MBD5: variants seen among roughly 807,000 people sequenced by gnomAD.
The protein encoded by MBD5 is methyl-CpG binding domain protein 5, also known as methyl-CpG-binding domain protein 5.
MBD5 carries 13 observed loss-of-function variants against 117.3 expected under a neutral mutation model. The ratio of observed to expected loss-of-function variants is 0.11; its 90% CI spans 0.07 to 0.18. The LOEUF (loss-of-function observed/expected upper bound fraction) is 0.18. MBD5 is among the 10% of genes least tolerant of loss of function. MBD5 has a pLI of 1.00. For missense variants in MBD5, 1,879 were observed against 2,093.8 expected (o/e 0.90, Z 2.00); for synonymous variants, 727 against 766.4 (o/e 0.95, Z 0.85).
chr2:148,324,168 T>A (rs1451537833), intron 3 of MBD5, among the ~76,000 whole-genome samples: 1 of 152,176 alleles, frequency 6.6e-6, no homozygotes, highest in African/African-American at 2.4e-5. Context: ...TGTGGCGTTA[T>A]TTCTGAGGGC....
chr2:148,282,558 A>ATG (rs373249864), intron 3 of MBD5, among the ~76,000 whole-genome samples: 9 of 151,404 alleles, frequency 5.9e-5, no homozygotes, highest in Admixed American at 2.0e-4. Flanking sequence ...TATATATATA[A>ATG]TGTGTGTGTG....
intron 4 of MBD5, among the ~76,000 whole-genome samples, chr2:148,343,872 A>G (rs181208557): frequency 6.6e-6 from 1 of 152,052 alleles, no homozygotes; most frequent in Non-Finnish European, 1.5e-5. Flanking sequence ...CTTAGTCATA[A>G]ATTCTTTCCT....
intron 3 of MBD5, among the ~76,000 whole-genome samples, chr2:148,338,601 C>G (rs577087143): frequency 1.3e-5 from 2 of 152,238 alleles, no homozygotes; most frequent in African/African-American, 4.8e-5. Context: ...GACATTTCAG[C>G]TAACTTGAAA....
At chr2:148,128,356 G>C (rs769029501) in intron 1 of MBD5, among the ~76,000 whole-genome samples, 33 of 152,100 alleles carry the variant, frequency 2.2e-4, no homozygotes, top group Non-Finnish European at 4.0e-4. Context: ...ATGCTATACA[G>C]ATATGTATTA....
chr2:148,370,342 A>G (rs187459656), intron 4 of MBD5, among the ~76,000 whole-genome samples: 3 of 152,274 alleles, frequency 2.0e-5, no homozygotes, highest in Non-Finnish European at 2.9e-5. Flanking sequence ...CTGATGAGCT[A>G]TCTGGTCTGT....
chr2:148,439,991 G>A lies in MBD5; in HGVS notation c.-556-18212G>A, dbSNP rs1021588953. On this transcript the variant is annotated intron_variant, in intron 4 of 13. Transcript: ENST00000642680. ...TAGCCTCAAGCAGTCCTCCCACCTT[G>A]GCCTCCCAAAGTGCTAAGATTACAG... Among the ~76,000 whole-genome samples the A allele has an allele frequency of 4.6e-5, 7 of 151,968 alleles. 1 individual carries two copies. In the South Asian group the frequency reaches 1.0e-3, roughly 23 times the overall value.
chr2:148,252,109 T>C (rs1700478793), intron 3 of MBD5, among the ~76,000 whole-genome samples: 1 of 152,036 alleles, frequency 6.6e-6, no homozygotes, highest in Non-Finnish European at 1.5e-5. Flanking sequence ...TTTCAGTGGA[T>C]CAGGGGATAG....
At chr2:148,046,319 A>G (rs1198678376) in intron 1 of MBD5, among the ~76,000 whole-genome samples, 1 of 152,208 alleles carries the variant, frequency 6.6e-6, no homozygotes, top group Non-Finnish European at 1.5e-5. Context: ...ATGTTATGAA[A>G]GAAATAAAAT....
At chr2:148,180,008 G>T (rs1387039018) in intron 2 of MBD5, among the ~76,000 whole-genome samples, 1 of 151,966 alleles carries the variant, frequency 6.6e-6, no homozygotes, top group African/African-American at 2.4e-5. Context: ...ACAGTTTACA[G>T]CCCCTAGTGC....
chr2:148,330,453 C>G (rs1702616018), intron 3 of MBD5: 1 of 152,104 alleles, frequency 6.6e-6, no homozygotes, highest in Non-Finnish European at 1.5e-5. Flanking sequence ...AACATCCACT[C>G]CAGCAGATGC....
At chr2:148,189,292 C>G (rs1426197757) in intron 2 of MBD5, among the ~76,000 whole-genome samples, 1 of 150,504 alleles carries the variant, frequency 6.6e-6, no homozygotes, top group Non-Finnish European at 1.5e-5. Flanking sequence ...GTAGGCTCCA[C>G]CTCTGGGGGC....
intron 4 of MBD5, among the ~76,000 whole-genome samples, chr2:148,439,778 C>A (rs114161935): frequency 6.9e-6 from 1 of 145,794 alleles, no homozygotes; most frequent in African/African-American, 2.6e-5. Context: ...TTAGCCCTGT[C>A]GCCCAACTGA....
chr2:148,484,837 A>T (rs1681285227), intron 9 of MBD5, among the ~76,000 whole-genome samples: 1 of 152,188 alleles, frequency 6.6e-6, no homozygotes, highest in East Asian at 1.9e-4. Context: ...AAGTGTGGGG[A>T]TGGTGTCCAT....
intron 2 of MBD5, among the ~76,000 whole-genome samples, chr2:148,198,350 G>C (rs564755252): frequency 1.8e-4 from 27 of 151,980 alleles, no homozygotes; most frequent in African/African-American, 6.3e-4. Flanking sequence ...TTCTACCTTT[G>C]TTTCTCAATG....
chr2:148,154,530 C>G, intron 1 of MBD5, among the ~76,000 whole-genome samples: 1 of 152,198 alleles, frequency 6.6e-6, no homozygotes, highest in East Asian at 1.9e-4. Context: ...CCTCCCCCAG[C>G]CTGGCTGCCG....
chr2:148,151,674 G>T (rs1697672226), intron 1 of MBD5, among the ~76,000 whole-genome samples: 1 of 152,160 alleles, frequency 6.6e-6, no homozygotes, highest in Non-Finnish European at 1.5e-5. Context: ...TCTTGGGAGA[G>T]TGTATGTGTT....
At chr2:148,213,047 G>A (rs950367137) in intron 2 of MBD5, among the ~76,000 whole-genome samples, 17 of 151,964 alleles carry the variant, frequency 1.1e-4, no homozygotes, top group Non-Finnish European at 2.2e-4. Flanking sequence ...CTTTGTACTC[G>A]TCTCCTTCCA....
chr2:148,188,023 G>A (rs1698710525), intron 2 of MBD5, among the ~76,000 whole-genome samples: 1 of 152,184 alleles, frequency 6.6e-6, no homozygotes. Context: ...ATAAATTGTA[G>A]TACAGGTGGA....
intron 2 of MBD5, among the ~76,000 whole-genome samples, chr2:148,201,051 G>A (rs922981297): frequency 3.9e-5 from 6 of 152,172 alleles, no homozygotes; most frequent in East Asian, 1.9e-4. Context: ...TTTGCCAACC[G>A]GAGACCTCTG....
Sources: gnomAD v4.1 joint callset for allele counts (sites outside exome capture counted in the v4.1 genomes callset) on GRCh38, gnomAD v4.1.1 for gene constraint, MANE v1.5 for transcripts, NCBI Gene and HGNC (gene_info 2026-07-23, HGNC 2026-07-21) for gene names.